DLGAP2: variants seen among roughly 807,000 people sequenced by gnomAD.
The protein encoded by DLGAP2 is DLG associated protein 2, also known as disks large-associated protein 2.
DLGAP2 carries 26 observed loss-of-function variants against 100.3 expected under a neutral mutation model. The ratio of observed to expected loss-of-function variants is 0.26; its 90% confidence interval spans 0.19 to 0.36. The LOEUF (loss-of-function observed/expected upper bound fraction) is 0.36, where lower values mean the gene tolerates loss of function less well. DLGAP2 is among the 10% of genes least tolerant of loss of function. The pLI, the probability that DLGAP2 is intolerant of heterozygous loss-of-function variation, is 1.00. For missense variants in DLGAP2, 1,858 were observed against 1,453.2 expected, an observed-to-expected ratio of 1.28 and a Z score of -4.53; for synonymous variants, 886 against 630.1, an observed-to-expected ratio of 1.41 and a Z score of -6.08.
intron 1 of DLGAP2, among the ~76,000 whole-genome samples, chr8:892,453 G>C (rs778185865): frequency 2.6e-5 from 4 of 152,182 alleles, no homozygotes; most frequent in Non-Finnish European, 4.4e-5. Context: ...GTCACAGAAA[G>C]ACCTTGCTGT....
At chr8:1,333,148 A>G (rs992611132) in intron 3 of DLGAP2, among the ~76,000 whole-genome samples, 5 of 152,142 alleles carry the variant, frequency 3.3e-5, no homozygotes, top group African/African-American at 7.2e-5. Flanking sequence ...GCGTGAGCAC[A>G]AGGAGAGAGA....
rs1798414694 is a variant in DLGAP2, at chr8:907,975, A to G, written c.73+9A>G. ...ACCAGACAGGAATACAGGTAAATAC[A>G]TTTCATTCTTCTGATTTGGGATTAT... On this transcript the variant is annotated intron_variant, in intron 2 of 14. Coordinates refer to ENST00000637795, the MANE Select transcript of DLGAP2 (RefSeq NM_001346810.2). 2.5e-6 allele frequency: 1 copy of G among 398,882 alleles called. No individual in the cohort carries two copies. The highest frequency in any genetic ancestry group is 1.3e-4 in the South Asian group (1 of 7,862). 24.7% of individuals were successfully genotyped at this position (398,882 alleles called of 1,614,324 possible). A position where few individuals can be genotyped will look rare whatever the true frequency, so the allele number is the denominator to read the frequency against.
intron 3 of DLGAP2, among the ~76,000 whole-genome samples, chr8:1,427,887 T>G (rs533343429): frequency 3.3e-5 from 5 of 152,208 alleles, no homozygotes; most frequent in Admixed American, 6.5e-5. Flanking sequence ...CTCTTCTCCA[T>G]AATTCATAAC....
intron 3 of DLGAP2, among the ~76,000 whole-genome samples, chr8:1,325,447 G>A (rs987900384): frequency 1.3e-5 from 2 of 152,336 alleles, no homozygotes; most frequent in Middle Eastern, 3.4e-3. Context: ...GCGCGTTTTT[G>A]AAGTGAGCTT....
intron 1 of DLGAP2, among the ~76,000 whole-genome samples, chr8:807,261 G>A (rs1411214368): frequency 4.0e-5 from 6 of 149,652 alleles, no homozygotes; most frequent in East Asian, 2.0e-4. Flanking sequence ...TCATTCATAC[G>A]TTCTCTCTCC....
intron 2 of DLGAP2, among the ~76,000 whole-genome samples, chr8:1,186,528 C>T (rs1221548738): frequency 6.6e-6 from 1 of 152,194 alleles, no homozygotes; most frequent in African/African-American, 2.4e-5. Context: ...GGCGCCTTAT[C>T]CTCTCTAAGC....
In DLGAP2 at chr8:994,052, C is replaced by T. The variant is rs201140982; in HGVS notation, c.73+86086C>T. Among the ~76,000 whole-genome samples the T allele has an allele frequency of 1.5e-4, 23 of 152,184 alleles. No homozygotes were observed. The East Asian group carries it at 4.1e-3, about 27-fold the overall frequency. Reference sequence around the variant, plus strand: ...GTGCACTTAAACCCAGCAGGCGTTGCGTAGACAGTACTATGGTGGTTTTTG... The same window carrying T: ...GTGCACTTAAACCCAGCAGGCGTTGTGTAGACAGTACTATGGTGGTTTTTG... On this transcript the variant is annotated intron_variant, in intron 2 of 14. Transcript: ENST00000637795.
chr8:1,506,567 G>T (rs145817703), intron 4 of DLGAP2, among the ~76,000 whole-genome samples: 2 of 152,148 alleles, frequency 1.3e-5, no homozygotes, highest in African/African-American at 4.8e-5. Flanking sequence ...TGCATACAGC[G>T]TAAAAATTAA....
At chr8:964,585 C>T (rs759879606) in intron 2 of DLGAP2, among the ~76,000 whole-genome samples, 6 of 152,360 alleles carry the variant, frequency 3.9e-5, no homozygotes. Context: ...GTTCCCCACG[C>T]GGGAAGCCAG....
intron 1 of DLGAP2, among the ~76,000 whole-genome samples, chr8:855,997 G>A (rs1274612614): frequency 6.6e-6 from 1 of 152,158 alleles, no homozygotes; most frequent in African/African-American, 2.4e-5. Context: ...AAATGAGGAA[G>A]CGTAGCCTCT....
chr8:1,100,428 A>T (rs1804538918), intron 2 of DLGAP2, among the ~76,000 whole-genome samples: 1 of 152,030 alleles, frequency 6.6e-6, no homozygotes, highest in Admixed American at 6.5e-5. Flanking sequence ...CACAGTGTAC[A>T]GCTTGTGTAG....
Position 1,057,595 on chromosome 8 carries a change from C to T in DLGAP2, c.73+149629C>T, listed in dbSNP as rs560149840. Among the ~76,000 whole-genome samples, 3 of 152,310 alleles carry T rather than the reference C, an allele frequency of 2.0e-5. No individual in the cohort carries two copies. In the East Asian group the frequency reaches 5.8e-4, roughly 29 times the overall value. On this transcript the variant is annotated intron_variant, in intron 2 of 14. Coordinates refer to ENST00000637795, the MANE Select transcript of DLGAP2 (RefSeq NM_001346810.2). ...CTATCTATGGAAGAAGATTAGAAAC[C>T]TCTATTCTAAACACCGACAAAGTCT...
intron 3 of DLGAP2, among the ~76,000 whole-genome samples, chr8:1,484,134 G>T (rs141619482): frequency 1.2e-3 from 182 of 152,358 alleles, no homozygotes; most frequent in African/African-American, 4.3e-3. Context: ...TGAGGTGCCA[G>T]AGAGCAGCCA....
chr8:1,379,621 T>C (rs1053139573), intron 3 of DLGAP2: 3 of 152,192 alleles, frequency 2.0e-5, no homozygotes, highest in Non-Finnish European at 4.4e-5. Flanking sequence ...CTTTGTCACA[T>C]AGAGTTGGGA....
intron 2 of DLGAP2, among the ~76,000 whole-genome samples, chr8:978,999 C>T (rs902532454): frequency 6.6e-6 from 1 of 152,120 alleles, no homozygotes; most frequent in African/African-American, 2.4e-5. Context: ...TGTTAGGAAG[C>T]TTGGGTCACT....
chr8:1,130,101 G>A (rs1482135622), intron 2 of DLGAP2, among the ~76,000 whole-genome samples: 1 of 2,144 alleles, frequency 4.7e-4, no homozygotes, highest in African/African-American at 2.6e-3. Flanking sequence ...GACACTTCAC[G>A]CGAGTTAAGG....
chr8:1,384,629 C>A (rs1796174028), intron 3 of DLGAP2, among the ~76,000 whole-genome samples: 1 of 142,532 alleles, frequency 7.0e-6, no homozygotes, highest in African/African-American at 2.7e-5. Flanking sequence ...GTTACCCCGG[C>A]CTGTGCCCGT....
intron 2 of DLGAP2, among the ~76,000 whole-genome samples, chr8:1,054,452 A>G (rs1274073391): frequency 6.6e-6 from 1 of 152,144 alleles, no homozygotes; most frequent in East Asian, 1.9e-4. Context: ...GGCTTTGTAG[A>G]CGTCTATCAT....
At chr8:1,475,102 A>C (rs1021939613) in intron 3 of DLGAP2, among the ~76,000 whole-genome samples, 1 of 152,170 alleles carries the variant, frequency 6.6e-6, no homozygotes, top group African/African-American at 2.4e-5. Context: ...AGTCAGAGTC[A>C]CTATCCTAAG....
Sources: gnomAD v4.1 joint callset for allele counts (sites outside exome capture counted in the v4.1 genomes callset) on GRCh38, gnomAD v4.1.1 for gene constraint, MANE v1.5 for transcripts, NCBI Gene and HGNC (gene_info 2026-07-23, HGNC 2026-07-21) for gene names.